The following NTNG1 variants were observed in gnomAD, a reference collection of about 807,000 sequenced individuals.
The protein encoded by NTNG1 is netrin-G1.
NTNG1 carries 16 observed loss-of-function variants against 54.0 expected under a neutral mutation model. The observed-to-expected ratio is 0.30, with a 90% CI of 0.20 to 0.45. The LOEUF is 0.45. Ranked by LOEUF, NTNG1 falls within the 20% of genes least tolerant of loss-of-function variation. The pLI is 1.00. For synonymous variants in NTNG1, 255 were observed against 263.1 expected (o/e 0.97, Z 0.30); for missense variants, 530 against 678.7 (o/e 0.78, Z 2.43).
chr1:107,159,416 C>T (rs1197486378), intron 2 of NTNG1, among the ~76,000 whole-genome samples: 1 of 152,134 alleles, frequency 6.6e-6, no homozygotes, highest in African/African-American at 2.4e-5. Flanking sequence ...TATATTTTTA[C>T]AGATAATACT....
chr1:107,399,778 A>T (rs2101108763), intron 4 of NTNG1, among the ~76,000 whole-genome samples: 1 of 152,270 alleles, frequency 6.6e-6, no homozygotes, highest in East Asian at 1.9e-4. Context: ...AGGACTGCAC[A>T]TTGCACTGTA....
rs1052935611 is a variant in NTNG1, at chr1:107,209,173, C to A, written c.246+60334C>A. Among the ~76,000 whole-genome samples the A allele has an allele frequency of 2.0e-5, 3 of 151,794 alleles. No individual in the cohort carries two copies. In the East Asian group the frequency reaches 5.8e-4, roughly 29 times the overall value. On this transcript the variant is annotated intron_variant, in intron 2 of 7. Coordinates refer to ENST00000370068, the MANE Select transcript of NTNG1 (RefSeq NM_001113226.3). ...CCATAGCATTTGAGTCCTTGCTTTTCTACTCTGTCCTGACCTCATCTGAAA... is the reference window on the plus strand; with the variant it reads ...CCATAGCATTTGAGTCCTTGCTTTTATACTCTGTCCTGACCTCATCTGAAA...
intron 2 of NTNG1, among the ~76,000 whole-genome samples, chr1:107,228,477 T>A (rs1007720701): frequency 6.6e-6 from 1 of 152,180 alleles, no homozygotes; most frequent in Non-Finnish European, 1.5e-5. Context: ...TGTTAAAGTA[T>A]GGCAATCATT....
upstream of NTNG1, chr1:107,140,170 T>G (rs1398773640): frequency 6.5e-6 from 1 of 152,922 alleles, no homozygotes; most frequent in East Asian, 1.9e-4. Flanking sequence ...GGGACGGAGT[T>G]AGGACCGCTC....
chr1:107,343,094 A>T (rs1668998649), intron 3 of NTNG1, among the ~76,000 whole-genome samples: 1 of 152,132 alleles, frequency 6.6e-6, no homozygotes, highest in Non-Finnish European at 1.5e-5. Context: ...CTCTCCCAAC[A>T]TACTTTATTA....
At chr1:107,154,906 AT>A (rs1211734851) in intron 2 of NTNG1, among the ~76,000 whole-genome samples, 7 of 152,110 alleles carry the variant, frequency 4.6e-5, no homozygotes, top group African/African-American at 1.4e-4. Context: ...TAGGGGAAAG[AT>A]TTAACCGAAT....
At chr1:107,331,876 C>G (rs1668300518) in intron 3 of NTNG1, among the ~76,000 whole-genome samples, 1 of 151,194 alleles carries the variant, frequency 6.6e-6, no homozygotes, top group African/African-American at 2.4e-5. Context: ...TTTTTTCAAG[C>G]TAAATGGATA....
intron 2 of NTNG1, among the ~76,000 whole-genome samples, chr1:107,201,077 A>G (rs1658718829): frequency 6.6e-6 from 1 of 151,832 alleles, no homozygotes; most frequent in Admixed American, 6.6e-5. Flanking sequence ...AATAATTCAA[A>G]TATTCTTCAA....
At chr1:107,413,927 GA>G (rs913491330) in intron 5 of NTNG1, among the ~76,000 whole-genome samples, 1 of 151,514 alleles carries the variant, frequency 6.6e-6, no homozygotes, top group African/African-American at 2.4e-5. Flanking sequence ...AACAATAATA[GA>G]AAAAAAATCA....
At chr1:107,265,266 A>G (rs1663655524) in intron 2 of NTNG1, among the ~76,000 whole-genome samples, 1 of 152,178 alleles carries the variant, frequency 6.6e-6, no homozygotes, top group Admixed American at 6.5e-5. Context: ...AGTATCTACA[A>G]CTATACTTTG....
chr1:107,236,069 C>T (rs900136028), intron 2 of NTNG1, among the ~76,000 whole-genome samples: 1 of 152,008 alleles, frequency 6.6e-6, no homozygotes, highest in African/African-American at 2.4e-5. Flanking sequence ...CACATGTGTG[C>T]ACACACACAC....
rs1678694248 is a variant in NTNG1, at chr1:107,481,217, C to CAA, written c.*377_*378insAA. Reference sequence around the variant, plus strand: ...GTGGTGCGCCCTAGTACGACTCCGCCCAGTGTGTGGACCAACCAAATAGCA... The same window carrying CAA: ...GTGGTGCGCCCTAGTACGACTCCGCCAACAGTGTGTGGACCAACCAAATAGCA... On this transcript the variant is annotated 3_prime_UTR_variant, in exon 8 of 8. Coordinates refer to ENST00000370068, the MANE Select transcript of NTNG1 (RefSeq NM_001113226.3). The CAA allele has an allele frequency of 4.2e-6, 1 of 237,666 alleles. No individual in the cohort carries two copies. The highest frequency in any genetic ancestry group is 2.2e-5 in the African/African-American group (1 of 45,102). 14.7% of individuals were successfully genotyped at this position (237,666 alleles called of 1,614,324 possible).
At chr1:107,219,393 A>T (rs1406220725) in intron 2 of NTNG1, among the ~76,000 whole-genome samples, 3 of 152,138 alleles carry the variant, frequency 2.0e-5, no homozygotes, top group Non-Finnish European at 4.4e-5. Flanking sequence ...TTAATAGTCA[A>T]CATTCTGAAT....
At position 107,480,601 on chromosome 1, in the gene NTNG1, C is replaced by T. The variant is rs1487194532; in HGVS notation, c.1391-10C>T. Reference sequence around the variant, plus strand: ...GCCCACCCACCCCTACCTTCCCCCTCATTCTGCAGCGAATGTCTGCGACAA... The same window carrying T: ...GCCCACCCACCCCTACCTTCCCCCTTATTCTGCAGCGAATGTCTGCGACAA... On this transcript the variant is annotated splice_polypyrimidine_tract_variant and intron_variant, in intron 7 of 7. Transcript: ENST00000370068. 7.0e-7 allele frequency: 1 copy of T among 1,435,962 alleles called. No homozygotes were observed. Among genetic ancestry groups the T allele is most frequent in the Admixed American group, 1.8e-5 (1 of 55,442 alleles). The allele number at this position is 1,435,962 out of a possible 1,614,324, so 89.0% of individuals were successfully genotyped here.
At chr1:107,454,366 A>G (rs1186479365) in intron 7 of NTNG1, among the ~76,000 whole-genome samples, 4 of 152,210 alleles carry the variant, frequency 2.6e-5, no homozygotes. Flanking sequence ...TACTCAGATT[A>G]CCAGCTCACA....
At chr1:107,336,951 T>C (rs1668615865) in intron 3 of NTNG1, among the ~76,000 whole-genome samples, 1 of 151,970 alleles carries the variant, frequency 6.6e-6, no homozygotes, top group Admixed American at 6.6e-5. Flanking sequence ...GAATGATTAC[T>C]ATTCAAAAAC....
At chr1:107,209,557 G>T (rs994224604) in intron 2 of NTNG1, among the ~76,000 whole-genome samples, 2 of 152,106 alleles carry the variant, frequency 1.3e-5, no homozygotes, top group African/African-American at 4.8e-5. Context: ...TCAGTAATCA[G>T]TCCCTGACAT....
chr1:107,208,751 C>T (rs1228882215), intron 2 of NTNG1, among the ~76,000 whole-genome samples: 1 of 152,058 alleles, frequency 6.6e-6, no homozygotes, highest in East Asian at 1.9e-4. Context: ...GGAGTCCCTC[C>T]CAGAGGGTGC....
chr1:107,273,105 T>G (rs1010609971), intron 2 of NTNG1, among the ~76,000 whole-genome samples: 12 of 152,168 alleles, frequency 7.9e-5, no homozygotes, highest in Admixed American at 7.2e-4. Flanking sequence ...GGCTGTCGAT[T>G]TTTTCTTCTT....
Sources: gnomAD v4.1 joint callset for allele counts (sites outside exome capture counted in the v4.1 genomes callset) on GRCh38, gnomAD v4.1.1 for gene constraint, MANE v1.5 for transcripts, NCBI Gene and HGNC (gene_info 2026-07-23, HGNC 2026-07-21) for gene names.